COL25A1: variants seen among roughly 807,000 people sequenced by gnomAD.
COL25A1 encodes the protein collagen type XXV alpha 1 chain.
A neutral mutation model predicts 128.4 loss-of-function variants in COL25A1; 103 were observed. That is an observed-to-expected ratio of 0.80 (90% confidence interval 0.68 to 0.94). The LOEUF (loss-of-function observed/expected upper bound fraction) is 0.94. COL25A1 is among the 40% of genes least tolerant of loss of function. The probability of loss-of-function intolerance (pLI) is 0.00; values close to 1 mark genes in which losing one functional copy is unlikely to be tolerated. For synonymous variants in COL25A1, 279 were observed against 277.2 expected (o/e 1.01, Z -0.06); for missense variants, 745 against 840.0 (o/e 0.89, Z 1.40).
chr4:108,943,927 T>C (rs1260215294), intron 8 of COL25A1, among the ~76,000 whole-genome samples: 4 of 152,284 alleles, frequency 2.6e-5, no homozygotes, highest in African/African-American at 7.2e-5. Flanking sequence ...AAATTTATCT[T>C]GTGGATATTT....
intron 3 of COL25A1, among the ~76,000 whole-genome samples, chr4:109,081,805 G>T (rs536523072): frequency 6.6e-6 from 1 of 152,136 alleles, no homozygotes; most frequent in Non-Finnish European, 1.5e-5. Context: ...CCGGGCTCAA[G>T]CAGTTCTCCT....
At chr4:109,192,867 A>G (rs1393309169) in intron 3 of COL25A1, among the ~76,000 whole-genome samples, 2 of 152,042 alleles carry the variant, frequency 1.3e-5, no homozygotes, top group African/African-American at 4.8e-5. Context: ...ATTAAAAAAA[A>G]AAAAGAAAAG....
Position 108,909,952 on chromosome 4 carries a change from C to T in COL25A1, c.780+8220G>A, listed in dbSNP as rs199707809. Among the ~76,000 whole-genome samples the T allele has an allele frequency of 7.2e-5, 11 of 152,300 alleles. No homozygotes were observed. In the East Asian group the frequency reaches 2.1e-3, roughly 29 times the overall value. ...ATAGCTCCTCGTCAACAGTGCTGCA[C>T]GGCCACCCAGGGGCTTAGCGGTGCA... On this transcript the variant is annotated intron_variant, in intron 13 of 37. Transcript: ENST00000399132.
Position 109,076,263 on chromosome 4 carries a change from AT to A in COL25A1, c.368-26085del, listed in dbSNP as rs559604584. On this transcript the variant is annotated intron_variant, in intron 3 of 37. Transcript: ENST00000399132. ...AATTCTGAAGGGTCATATGAATATGATTTTTTAGGTGTTTTAAACTATATCA... is the reference window on the plus strand; with the variant it reads ...AATTCTGAAGGGTCATATGAATATGATTTTTAGGTGTTTTAAACTATATCA... 1.9e-4 allele frequency among the ~76,000 whole-genome samples: 29 copies of A among 152,250 alleles called. 1 individual carries two copies. The South Asian group carries it at 2.3e-3, about 12-fold the overall frequency.
chr4:108,953,449 CT>C (rs1749693036), intron 8 of COL25A1, among the ~76,000 whole-genome samples: 1 of 152,080 alleles, frequency 6.6e-6, no homozygotes, highest in Non-Finnish European at 1.5e-5. Context: ...TTTGAACATC[CT>C]GTAATTATTT....
rs992103524 is a variant in COL25A1, at chr4:108,889,683, T to C, written c.939+18A>G. The stretch of plus-strand genomic sequence containing the variant: ...ACTGTAACTCCTGGAGTACAAATAC[T>C]TGCAAGGTTATAGTTACCTTAATTC... On this transcript the variant is annotated intron_variant, in intron 17 of 37. Transcript: ENST00000399132. 6.2e-7 allele frequency: 1 copy of C among 1,611,916 alleles called. No individual in the cohort carries two copies. Among genetic ancestry groups the C allele is most frequent in the African/African-American group, 1.3e-5 (1 of 74,834 alleles).
At chr4:109,130,448 T>C (rs185870758) in intron 3 of COL25A1, among the ~76,000 whole-genome samples, 36 of 152,202 alleles carry the variant, frequency 2.4e-4, no homozygotes, top group Non-Finnish European at 4.7e-4. Flanking sequence ...AACGTAAGAA[T>C]TCAGCTAGAA....
intron 6 of COL25A1, among the ~76,000 whole-genome samples, chr4:108,976,516 T>C (rs1490628177): frequency 6.6e-6 from 1 of 152,266 alleles, no homozygotes; most frequent in Non-Finnish European, 1.5e-5. Context: ...ATACATTTTC[T>C]AGCTCTTAAA....
intron 3 of COL25A1, among the ~76,000 whole-genome samples, chr4:109,197,362 AAATATATAATAT>A (rs1776143318): frequency 7.7e-6 from 1 of 130,476 alleles, no homozygotes; most frequent in Non-Finnish European, 1.6e-5. Context: ...TTATATATAA[AAATATATAATAT>A]ATATAATATA....
Position 108,811,318 on chromosome 4 carries a change from C to A in COL25A1, c.*2609G>T, listed in dbSNP as rs1290090046. 1 of 152,072 alleles carries A rather than the reference C, an allele frequency of 6.6e-6. No homozygotes were observed. The highest frequency in any genetic ancestry group is 1.5e-5 in the Non-Finnish European group (1 of 67,938). The allele number at this position is 152,072 out of a possible 1,614,324, so 9.4% of individuals were successfully genotyped here. A position where few individuals can be genotyped will look rare whatever the true frequency, so the allele number is the denominator to read the frequency against. On this transcript the variant is annotated 3_prime_UTR_variant, in exon 38 of 38. Transcript: ENST00000399132. ...AGGAAATAAATGTAATGAAAGTTTA[C>A]AACCTCATTTAATCATGAAATAAGT...
chr4:108,897,580 T>C (rs1377550297), intron 15 of COL25A1, among the ~76,000 whole-genome samples: 2 of 152,214 alleles, frequency 1.3e-5, no homozygotes, highest in African/African-American at 4.8e-5. Context: ...AAGGATAATT[T>C]ACACAGTTAT....
chr4:109,153,887 T>C (rs1383629075), intron 3 of COL25A1, among the ~76,000 whole-genome samples: 2 of 152,208 alleles, frequency 1.3e-5, no homozygotes. Context: ...CCTTTTCAGA[T>C]GAGGAAGCTG....
At chr4:108,883,445 A>G (rs1271135596) in intron 19 of COL25A1, among the ~76,000 whole-genome samples, 1 of 152,220 alleles carries the variant, frequency 6.6e-6, no homozygotes, top group Non-Finnish European at 1.5e-5. Context: ...TAGTTCTAGA[A>G]TATATAAAAA....
chr4:109,182,873 A>C (rs1223411453), intron 3 of COL25A1, among the ~76,000 whole-genome samples: 4 of 152,036 alleles, frequency 2.6e-5, no homozygotes, highest in Non-Finnish European at 4.4e-5. Context: ...TATAAGGGGA[A>C]AAAAGGTTTC....
intron 3 of COL25A1, among the ~76,000 whole-genome samples, chr4:109,300,181 C>A (rs201921398): frequency 3.0e-3 from 378 of 125,618 alleles, no homozygotes; most frequent in East Asian, 4.4e-3. Flanking sequence ...TAAACCAAAA[C>A]AAAAAAAAAA....
At chr4:108,850,543 C>T (rs937023603) in intron 26 of COL25A1, among the ~76,000 whole-genome samples, 2 of 152,102 alleles carry the variant, frequency 1.3e-5, no homozygotes, top group Admixed American at 6.6e-5. Context: ...CTCAACCCTC[C>T]TCCATATTGC....
At chr4:109,157,898 G>A (rs368083508) in intron 3 of COL25A1, among the ~76,000 whole-genome samples, 4 of 152,164 alleles carry the variant, frequency 2.6e-5, no homozygotes, top group Non-Finnish European at 5.9e-5. Context: ...TGCCATTCCC[G>A]GCGCTAAAGC....
At chr4:109,111,657 A>G (rs561603979) in intron 3 of COL25A1, among the ~76,000 whole-genome samples, 1 of 152,276 alleles carries the variant, frequency 6.6e-6, no homozygotes, top group African/African-American at 2.4e-5. Flanking sequence ...GTCTCAGCTC[A>G]AACAGTATAC....
chr4:109,046,853 A>G (rs1000403076), intron 5 of COL25A1, among the ~76,000 whole-genome samples: 4 of 152,336 alleles, frequency 2.6e-5, no homozygotes, highest in Admixed American at 6.5e-5. Context: ...ATCCAGGATG[A>G]GAAAATATCT....
Sources: allele counts gnomAD v4.1 joint callset (sites outside exome capture counted in the v4.1 genomes callset), GRCh38; gene constraint gnomAD v4.1.1; transcripts MANE v1.5; gene names NCBI Gene and HGNC (gene_info 2026-07-23, HGNC 2026-07-21).